Variants in RTEL1 observed in about 807,000 individuals in gnomAD.
The protein encoded by RTEL1 is regulator of telomere elongation helicase 1.
In RTEL1, 86 loss-of-function variants were observed where a neutral mutation model predicts 162.2. That is an observed-to-expected ratio of 0.53 (90% CI 0.45 to 0.63). The LOEUF is 0.63. RTEL1 is among the 30% of genes least tolerant of loss of function. RTEL1 has a pLI of 0.00. For missense variants in RTEL1, 1,941 were observed against 1,750.2 expected, an observed-to-expected ratio of 1.11 and a Z score of -1.95; for synonymous variants, 958 against 717.9, an observed-to-expected ratio of 1.33 and a Z score of -5.35.
In RTEL1 at chr20:63,694,786, C is replaced by A. The variant is rs1479396091; in HGVS notation, c.3155C>A (p.Ala1052Glu). The A allele has an allele frequency of 6.2e-7, 1 of 1,611,948 alleles. No individual in the cohort carries two copies. The highest frequency in any genetic ancestry group is 1.1e-5 in the South Asian group (1 of 91,048). ...QPQWGSGVPR[A>E]GKQGQHAVSA... ...CAGTGGGGGTCTGGAGTGCCCAGAG[C>A]AGGGAAGCAGGGCCAGCACGCCGTG... The change falls in exon 32 of 35, where the codon GCA becomes GAA. Residue 1052 changes from alanine (A) to glutamate (E), a missense_variant. Ala to Glu is a moderately radical substitution (Grantham distance 107). Coordinates refer to ENST00000360203, the MANE Select transcript of RTEL1 (RefSeq NM_001283009.2).
Position 63,695,832 on chromosome 20 carries a change from C to A in RTEL1, c.3877C>A (p.Gln1293Lys). 1 of 1,598,138 alleles carries A rather than the reference C, an allele frequency of 6.3e-7. No homozygotes were observed. Among genetic ancestry groups the A allele is most frequent in the South Asian group, 1.1e-5 (1 of 88,678 alleles). The change falls in exon 35 of 35, where the codon CAG (glutamine) becomes AAG (lysine). Residue 1293 changes from glutamine to lysine, a missense_variant. Physicochemically the swap from Gln to Lys is moderately conservative, Grantham distance 53 (BLOSUM62 1). Transcript: ENST00000360203. The part of the protein sequence containing the change: ...HTASRKQSVM[Q>K]VFWPEPQ ...CGCCTCCAGGAAGCAGAGCGTCATGCAGGTCTTCTGGCCAGAGCCCCAGTG... is the reference window on the plus strand; with the variant it reads ...CGCCTCCAGGAAGCAGAGCGTCATGAAGGTCTTCTGGCCAGAGCCCCAGTG...
intron 6 of RTEL1, 24 bp downstream of exon 6, chr20:63,662,913 G>C (rs780274230): frequency 1.2e-6 from 2 of 1,610,690 alleles, no homozygotes; most frequent in Admixed American, 3.3e-5. Flanking sequence ...GGTGGGACCA[G>C]GGTCGGGTTG....
chr20:63,659,740 C>G (rs972585618), intron 2 of RTEL1, among the ~76,000 whole-genome samples: 3 of 152,084 alleles, frequency 2.0e-5, no homozygotes, highest in Admixed American at 6.6e-5. Flanking sequence ...TCAGGCGGGA[C>G]GAGAGACTGA....
intron 26 of RTEL1, among the ~76,000 whole-genome samples, 156 bp from the exon 27 acceptor site, chr20:63,690,649 G>C (rs937643472): frequency 1.3e-5 from 2 of 152,072 alleles, no homozygotes; most frequent in African/African-American, 4.8e-5. Flanking sequence ...AGGCAAGGAT[G>C]CCCCCCGAGG....
In RTEL1 at chr20:63,695,116, T is replaced by C. The variant is rs2145477538; in HGVS notation, c.3394T>C (p.Cys1132Arg). The C allele has an allele frequency of 6.2e-7, 1 of 1,612,334 alleles. No individual in the cohort carries two copies. Among genetic ancestry groups the C allele is most frequent in the Non-Finnish European group, 8.5e-7 (1 of 1,179,842 alleles). ...CCACAAGCAGCGCTTCTCACAGACG[T>C]GCACAGACCTGACCGGCCGGCCCTA... ...PHHKQRFSQT[C>R]TDLTGRPYPG... The change falls in exon 33 of 35, where the codon TGC becomes CGC. Residue 1132 changes from cysteine (C) to arginine (R), a missense_variant. Cys to Arg is a radical substitution (Grantham distance 180). Transcript: ENST00000360203.
chr20:63,688,961 C>T (rs2090659386), intron 21 of RTEL1, 94 bp from the exon 22 acceptor site: 2 of 1,138,276 alleles, frequency 1.8e-6, no homozygotes, highest in African/African-American at 1.5e-5. Flanking sequence ...TAGGACGATC[C>T]TTCATCTTGG....
chr20:63,693,086 GTC>G (rs1384136652), intron 29 of RTEL1, 55 bp from the exon 30 acceptor site: 2 of 1,610,734 alleles, frequency 1.2e-6, no homozygotes, highest in East Asian at 2.2e-5. Context: ...GTCCAAGGTG[GTC>G]TCTGTTCTCT....
At chr20:63,693,463 CCACCTCCACCTCCA>C (rs2090836387) in intron 30 of RTEL1, among the ~76,000 whole-genome samples, 180 bp downstream of exon 30, 1 of 16,692 alleles carries the variant, frequency 6.0e-5, no homozygotes, top group Non-Finnish European at 1.1e-4. Flanking sequence ...ACCTCCACCT[CCACCTCCACCTCCA>C]CCTCCACCAC....
At chr20:63,689,163 T>C in intron 22 of RTEL1, 31 bp downstream of exon 22, 1 of 1,592,986 alleles carries the variant, frequency 6.3e-7, no homozygotes, top group Non-Finnish European at 8.5e-7. Context: ...TGCCCTGACC[T>C]GGTTGCCTGT....
intron 12 of RTEL1, 31 bp from the exon 13 acceptor site, chr20:63,679,818 A>C: frequency 6.4e-7 from 1 of 1,570,240 alleles, no homozygotes; most frequent in Non-Finnish European, 8.7e-7. Flanking sequence ...TCCCCCCGCC[A>C]GGCTCGAGCC....
intron 14 of RTEL1, chr20:63,681,257 T>C: frequency 1.0e-6 from 1 of 985,436 alleles, no homozygotes; most frequent in Non-Finnish European, 1.2e-6. Context: ...GCTCCATGCC[T>C]ATGGCAGCAC....
rs774400247 is a variant in RTEL1 at position 63,688,594 on chromosome 20, A to G, written c.1789A>G (p.Ser597Gly). 2.1e-5 allele frequency: 33 copies of G among 1,608,374 alleles called. No individual in the cohort carries two copies. Among genetic ancestry groups the G allele is most frequent in the South Asian group, 1.3e-4 (12 of 90,354 alleles). The change falls in exon 21 of 35, where the codon AGC becomes GGC. Residue 597 changes from serine to glycine, a missense_variant. Transcript: ENST00000360203. The stretch of plus-strand genomic sequence containing the variant: ...GTTTGTGGAGCCCAGGAGCAAAGGC[A>G]GCTTCTCCGAGGTCGGCACTTGGCC... ...PLFVEPRSKG[S>G]FSETISAYYA...
rs775189940 is a variant in RTEL1 at position 63,672,543 on chromosome 20, C to T, written c.700-13C>T. 2 of 1,569,634 alleles carry T rather than the reference C, an allele frequency of 1.3e-6. No homozygotes were observed. The highest frequency in any genetic ancestry group is 2.3e-5 in the South Asian group (2 of 85,672). On this transcript the variant is annotated splice_polypyrimidine_tract_variant and intron_variant, in intron 8 of 34. Transcript: ENST00000360203. ...TGAGCTCCAGCGCTGCGTCCCTTCT[C>T]TTCCTCCTGTAGAGCCGCAGAGCAC...
Position 63,662,567 on chromosome 20 carries a change from C to T in RTEL1, c.417C>T (p.Gly139=). 6.2e-7 allele frequency: 1 copy of T among 1,614,104 alleles called. No individual in the cohort carries two copies. Among genetic ancestry groups the T allele is most frequent in the Non-Finnish European group, 8.5e-7 (1 of 1,180,036 alleles). ...TSYRPKVCVL[G]SREQLCIHPE... is the part of the protein sequence containing the mutation. ...CCAGGCCTAAGGTGTGTGTGCTGGG[C>T]TCCCGGGAGCAGCTGTGCATCCATC... Residue 139 remains glycine (G), a synonymous_variant, in exon 5 of 35, where the codon GGC becomes GGT. Coordinates refer to ENST00000360203, the MANE Select transcript of RTEL1 (RefSeq NM_001283009.2).
chr20:63,681,605 A>G (rs1218835277), intron 14 of RTEL1: 1 of 985,238 alleles, frequency 1.0e-6, no homozygotes, highest in Non-Finnish European at 1.2e-6. Flanking sequence ...TGGCCTGTGC[A>G]TGCTGCTGGG....
At position 63,693,375 on chromosome 20, in the gene RTEL1, C is replaced by A. The variant is rs375099029; in HGVS notation, c.2992+92C>A. The A allele has an allele frequency of 1.4e-5, 20 of 1,480,540 alleles. No individual in the cohort carries two copies. The East Asian group carries it at 1.4e-4, about 10-fold the overall frequency. 91.7% of individuals were successfully genotyped at this position (1,480,540 alleles called of 1,614,324 possible). On this transcript the variant is annotated intron_variant, in intron 30 of 34. Coordinates refer to ENST00000360203, the MANE Select transcript of RTEL1 (RefSeq NM_001283009.2). ...GCTGCTTGGGGTGGGCATCCTCGGG[C>A]CCTGCTTGGCCCCGCCTCTCTGTTC...
At chr20:63,685,368 C>G (rs1321062083) in intron 14 of RTEL1, among the ~76,000 whole-genome samples, 155 bp from the exon 15 acceptor site, 2 of 152,180 alleles carry the variant, frequency 1.3e-5, no homozygotes, top group African/African-American at 4.8e-5. Flanking sequence ...AGGCAGGTGC[C>G]AGCTCCTGTC....
At position 63,662,044 on chromosome 20, in the gene RTEL1, T is replaced by C; in HGVS notation, c.395+101T>C. The stretch of plus-strand genomic sequence containing the variant: ...CATGCTGTGCTGTGGTGGAGGGTGG[T>C]GGTCTTTCTAGACGCTCCCCCGAAG... On this transcript the variant is annotated intron_variant, in intron 4 of 34. Coordinates refer to ENST00000360203, the MANE Select transcript of RTEL1 (RefSeq NM_001283009.2). 4 of 970,470 alleles carry C rather than the reference T, an allele frequency of 4.1e-6. No homozygotes were observed. The Admixed American group carries it at 8.0e-5, about 20-fold the overall frequency. 60.1% of individuals were successfully genotyped at this position (970,470 alleles called of 1,614,324 possible).
rs1412616288 is a variant in RTEL1, at chr20:63,668,133, C to T, written c.699+580C>T. On this transcript the variant is annotated intron_variant, in intron 8 of 34. Transcript: ENST00000360203. This position sits in a 1 kb window ranked among gnomAD's most constrained non-coding sequence, Gnocchi z 4.3. ...CTCACTCCCCCCGCCAGCATGTGCC[C>T]GGCCCCACACTCAACTCCCCTCCTC... 1.3e-5 allele frequency among the ~76,000 whole-genome samples: 2 copies of T among 151,788 alleles called. No homozygotes were observed. The highest frequency in any genetic ancestry group is 4.8e-5 in the African/African-American group (2 of 41,314).
Sources: gnomAD v4.1 joint callset for allele counts (sites outside exome capture counted in the v4.1 genomes callset) on GRCh38, gnomAD v4.1.1 for gene constraint, Gnocchi (gnomAD v3.1) non-coding constraint, MANE v1.5 for transcripts, NCBI Gene and HGNC (gene_info 2026-07-23, HGNC 2026-07-21) for gene names.